COG5: variants seen among roughly 807,000 people sequenced by gnomAD.
The protein encoded by COG5 is conserved oligomeric Golgi complex subunit 5.
COG5 carries 86 observed loss-of-function variants against 110.4 expected under a neutral mutation model. The ratio of observed to expected loss-of-function variants is 0.78; its 90% CI spans 0.65 to 0.93. COG5 has a LOEUF of 0.93. Among genes scored for constraint, COG5 ranks in the 40% least tolerant of loss-of-function variants. The pLI is 0.00. For missense variants in COG5, 1,077 were observed against 987.0 expected, an observed-to-expected ratio of 1.09 and a Z score of -1.22; for synonymous variants, 360 against 334.6, an observed-to-expected ratio of 1.08 and a Z score of -0.83.
In COG5 at chr7:107,337,679, G is replaced by T. The variant is rs1055547692; in HGVS notation, c.1027-13158C>A. Reference sequence around the variant, plus strand: ...TGTTTTGGGTGGGGGAGAAAGTGGGGGTTGGTAAATGGCTAAAAACATACA... The same window carrying T: ...TGTTTTGGGTGGGGGAGAAAGTGGGTGTTGGTAAATGGCTAAAAACATACA... On this transcript the variant is annotated intron_variant, in intron 10 of 21. Transcript: ENST00000297135. Among the ~76,000 whole-genome samples the T allele has an allele frequency of 2.6e-5, 4 of 151,966 alleles. No homozygotes were observed. The East Asian group carries it at 5.8e-4, about 22-fold the overall frequency.
chr7:107,238,085 C>G (rs533362399), intron 17 of COG5, among the ~76,000 whole-genome samples: 2 of 152,094 alleles, frequency 1.3e-5, no homozygotes, highest in Non-Finnish European at 2.9e-5. Context: ...TCATACTCAT[C>G]ACCTTAAATA....
intron 7 of COG5, among the ~76,000 whole-genome samples, chr7:107,397,001 T>C (rs910630529): frequency 3.3e-5 from 5 of 152,234 alleles, no homozygotes; most frequent in Non-Finnish European, 1.5e-5. Context: ...GTATTAGCTA[T>C]TGCCCAAAAC....
chr7:107,399,094 C>T (rs1003980399), intron 7 of COG5, among the ~76,000 whole-genome samples: 13 of 151,724 alleles, frequency 8.6e-5, no homozygotes, highest in African/African-American at 3.1e-4. Context: ...CCCAGCTACT[C>T]GGAAGTCTGA....
chr7:107,294,110 A>G (rs1416840323), intron 12 of COG5, among the ~76,000 whole-genome samples: 3 of 152,032 alleles, frequency 2.0e-5, no homozygotes, highest in Non-Finnish European at 4.4e-5. Context: ...GATTACTTCC[A>G]AATACATATT....
intron 12 of COG5, among the ~76,000 whole-genome samples, chr7:107,290,542 G>A (rs540077442): frequency 5.3e-5 from 8 of 152,192 alleles, no homozygotes; most frequent in South Asian, 2.1e-4. Context: ...GTGGGGATTC[G>A]AATTATCTGG....
intron 6 of COG5, among the ~76,000 whole-genome samples, chr7:107,491,611 T>C (rs1461326433): frequency 2.0e-5 from 3 of 152,172 alleles, no homozygotes; most frequent in Non-Finnish European, 2.9e-5. Flanking sequence ...TAAAATAGTT[T>C]ACAAAACTCA....
At chr7:107,206,301 CACAT>C (rs1279484477) in intron 21 of COG5, among the ~76,000 whole-genome samples, 1 of 152,156 alleles carries the variant, frequency 6.6e-6, no homozygotes. Context: ...TTACTCAGCT[CACAT>C]ACCCAGTTTC....
intron 7 of COG5, among the ~76,000 whole-genome samples, chr7:107,375,684 T>C (rs1442058671): frequency 6.6e-6 from 1 of 152,058 alleles, no homozygotes; most frequent in Non-Finnish European, 1.5e-5. Context: ...TTTTTTTAAC[T>C]AGTTGTTTTT....
chr7:107,398,386 C>T (rs922478544), intron 7 of COG5, among the ~76,000 whole-genome samples: 3 of 152,178 alleles, frequency 2.0e-5, no homozygotes, highest in Admixed American at 6.5e-5. Flanking sequence ...AGGAGGTGAG[C>T]GGCAGGGCAG....
intron 21 of COG5, chr7:107,208,943 C>G (rs933679642): frequency 2.0e-6 from 2 of 984,368 alleles, no homozygotes; most frequent in Non-Finnish European, 2.4e-6. Context: ...TGGCTGCACC[C>G]TGGACCTTCT....
chr7:107,281,195 G>C, intron 14 of COG5, 105 bp downstream of exon 14: 2 of 804,766 alleles, frequency 2.5e-6, no homozygotes, highest in Non-Finnish European at 4.0e-6. Context: ...AGTAAAAATG[G>C]AAGTAAGTAA....
chr7:107,271,366 A>C (rs1375583488), intron 14 of COG5, among the ~76,000 whole-genome samples: 5 of 152,206 alleles, frequency 3.3e-5, no homozygotes, highest in Non-Finnish European at 5.9e-5. Context: ...TCTACAGATC[A>C]ATTTCAGAAG....
intron 10 of COG5, among the ~76,000 whole-genome samples, chr7:107,340,753 A>C (rs1226870079): frequency 6.6e-6 from 1 of 152,148 alleles, no homozygotes; most frequent in Non-Finnish European, 1.5e-5. Flanking sequence ...ATGTGATTAA[A>C]CATATAAACA....
At chr7:107,370,250 AAC>A (rs1308347122) in intron 8 of COG5, among the ~76,000 whole-genome samples, 4 of 152,124 alleles carry the variant, frequency 2.6e-5, no homozygotes, top group East Asian at 1.9e-4. Flanking sequence ...CACTCTCAGA[AAC>A]ACACACTGAC....
At chr7:107,535,849 C>T (rs117952744) in intron 5 of COG5, among the ~76,000 whole-genome samples, 6,069 of 152,090 alleles carry the variant, frequency 0.04, 166 homozygotes, top group Middle Eastern at 0.071. Flanking sequence ...CTGGCAGAGA[C>T]ACAACATAAA....
At position 107,562,752 on chromosome 7, in the gene COG5, A is replaced by G. The variant is rs369017778; in HGVS notation, c.94+1051T>C. 3.6e-4 allele frequency among the ~76,000 whole-genome samples: 55 copies of G among 152,370 alleles called. 1 individual carries two copies. Among genetic ancestry groups the G allele is most frequent in the African/African-American group, 1.2e-3 (51 of 41,594 alleles). ...CATAAATTATCATGAAAAGGCACGT[A>G]ATTCAGGATGACAATAAAATATTTA... On this transcript the variant is annotated intron_variant, in intron 1 of 21. Coordinates refer to ENST00000297135, the MANE Select transcript of COG5 (RefSeq NM_006348.5).
chr7:107,207,625 T>C (rs1195046194), intron 21 of COG5, among the ~76,000 whole-genome samples: 1 of 152,156 alleles, frequency 6.6e-6, no homozygotes, highest in Admixed American at 6.5e-5. Flanking sequence ...GAAAACACAT[T>C]CAACACTTAC....
At chr7:107,492,666 C>CA (rs371393163) in intron 6 of COG5, among the ~76,000 whole-genome samples, 2 of 152,094 alleles carry the variant, frequency 1.3e-5, no homozygotes, top group Non-Finnish European at 2.9e-5. Context: ...CCAACAATGG[C>CA]AAATCAAGTA....
At chr7:107,363,506 C>G (rs1306291484) in intron 8 of COG5, among the ~76,000 whole-genome samples, 2 of 151,568 alleles carry the variant, frequency 1.3e-5, no homozygotes, top group Non-Finnish European at 2.9e-5. Flanking sequence ...CAGTGAAACT[C>G]AAATGTTTAA....
Sources: gnomAD v4.1 joint callset for allele counts (sites outside exome capture counted in the v4.1 genomes callset) on GRCh38, gnomAD v4.1.1 for gene constraint, MANE v1.5 for transcripts, NCBI Gene and HGNC (gene_info 2026-07-23, HGNC 2026-07-21) for gene names.